Variants in NKAIN2 observed in about 807,000 individuals in gnomAD.
NKAIN2 encodes sodium/potassium transporting ATPase interacting 2.
NKAIN2 carries 14 observed loss-of-function variants against 32.6 expected under a neutral mutation model. That is an observed-to-expected ratio of 0.43 (90% CI 0.28 to 0.67). The LOEUF is 0.67. Ranked by LOEUF, NKAIN2 falls within the 30% of genes least tolerant of loss-of-function variation. NKAIN2 has a pLI of 0.17. For missense variants in NKAIN2, 198 were observed against 258.3 expected, an observed-to-expected ratio of 0.77 and a Z score of 1.60; for synonymous variants, 80 against 87.2, an observed-to-expected ratio of 0.92 and a Z score of 0.46.
chr6:124,187,481 G>A (rs1007298844), intron 1 of NKAIN2, among the ~76,000 whole-genome samples: 13 of 151,822 alleles, frequency 8.6e-5, no homozygotes, highest in East Asian at 3.9e-4. Flanking sequence ...GGGCAGTTTC[G>A]GATAAGATCA....
chr6:124,037,919 G>A (rs775414613), intron 1 of NKAIN2, among the ~76,000 whole-genome samples: 5 of 152,262 alleles, frequency 3.3e-5, no homozygotes, highest in African/African-American at 9.6e-5. Context: ...CAAGTTTGAC[G>A]CTGAAGGAAA....
At chr6:124,539,790 G>A (rs10081034) in intron 3 of NKAIN2, among the ~76,000 whole-genome samples, 9,049 of 152,070 alleles carry the variant, frequency 0.06, 720 homozygotes, top group African/African-American at 0.18. Flanking sequence ...GCGTGATCTC[G>A]TCTCACTGCA....
chr6:124,794,223 G>T (rs1366597536), intron 5 of NKAIN2, among the ~76,000 whole-genome samples: 2 of 152,100 alleles, frequency 1.3e-5, no homozygotes, highest in African/African-American at 4.8e-5. Flanking sequence ...TATGGTTAAT[G>T]CAAGTCTCCC....
intron 1 of NKAIN2, among the ~76,000 whole-genome samples, chr6:123,929,186 A>G (rs1416896124): frequency 6.6e-6 from 1 of 152,174 alleles, no homozygotes; most frequent in East Asian, 1.9e-4. Context: ...GTGATAAATA[A>G]TTGAATTTTG....
intron 1 of NKAIN2, among the ~76,000 whole-genome samples, chr6:124,090,971 G>C (rs1784392049): frequency 6.6e-6 from 1 of 151,868 alleles, no homozygotes; most frequent in South Asian, 2.1e-4. Context: ...ACATTTTTAA[G>C]TTTTTCCAAT....
chr6:124,578,354 G>C (rs576989170), intron 3 of NKAIN2, among the ~76,000 whole-genome samples: 17 of 148,682 alleles, frequency 1.1e-4, no homozygotes, highest in South Asian at 4.3e-4. Context: ...CCTGAAGGGA[G>C]AGTCTCAGAC....
At chr6:123,911,001 TA>T (rs1775151510) in intron 1 of NKAIN2, among the ~76,000 whole-genome samples, 1 of 152,158 alleles carries the variant, frequency 6.6e-6, no homozygotes, top group South Asian at 2.1e-4. Flanking sequence ...ATTATTCAAC[TA>T]AGTGCAATGA....
intron 3 of NKAIN2, among the ~76,000 whole-genome samples, chr6:124,470,265 T>C (rs1050944631): frequency 5.9e-5 from 9 of 152,120 alleles, no homozygotes; most frequent in Non-Finnish European, 1.2e-4. Context: ...TGCAGGAGCC[T>C]GGCCAGGCAG....
At chr6:124,627,700 C>G (rs1336537089) in intron 3 of NKAIN2, among the ~76,000 whole-genome samples, 2 of 152,122 alleles carry the variant, frequency 1.3e-5, no homozygotes, top group Non-Finnish European at 2.9e-5. Flanking sequence ...TTGTGGGTAT[C>G]ATACTCAGAA....
At chr6:123,910,013 C>T (rs1775093422) in intron 1 of NKAIN2, among the ~76,000 whole-genome samples, 1 of 151,866 alleles carries the variant, frequency 6.6e-6, no homozygotes. Context: ...GTAACCGTAA[C>T]AGTGGTCCAT....
intron 3 of NKAIN2, among the ~76,000 whole-genome samples, chr6:124,632,791 C>A (rs1178733505): frequency 2.0e-5 from 3 of 152,196 alleles, no homozygotes; most frequent in South Asian, 4.1e-4. Flanking sequence ...CCTTGCCAGG[C>A]TAAAACCAGA....
chr6:124,699,802 A>G (rs1326511021), intron 4 of NKAIN2, among the ~76,000 whole-genome samples: 1 of 152,150 alleles, frequency 6.6e-6, no homozygotes, highest in East Asian at 1.9e-4. Flanking sequence ...ACCCAGTTTC[A>G]GGTATTTCTT....
intron 1 of NKAIN2, among the ~76,000 whole-genome samples, chr6:123,943,112 A>C (rs763190844): frequency 6.6e-6 from 1 of 152,040 alleles, no homozygotes; most frequent in Non-Finnish European, 1.5e-5. Flanking sequence ...ACACGTTTCT[A>C]TCAAGAGTAG....
At chr6:123,866,519 C>A (rs1297133365) in intron 1 of NKAIN2, among the ~76,000 whole-genome samples, 3 of 152,124 alleles carry the variant, frequency 2.0e-5, no homozygotes, top group African/African-American at 7.2e-5. Flanking sequence ...CAAGCTCCGC[C>A]TCCTGGATTC....
chr6:124,706,739 C>G (rs926062457), intron 4 of NKAIN2, among the ~76,000 whole-genome samples: 1 of 152,094 alleles, frequency 6.6e-6, no homozygotes, highest in East Asian at 1.9e-4. Context: ...CATTTGACTC[C>G]ACTGCTTAAT....
At chr6:124,412,902 A>G (rs1774275236) in intron 3 of NKAIN2, among the ~76,000 whole-genome samples, 1 of 151,964 alleles carries the variant, frequency 6.6e-6, no homozygotes, top group African/African-American at 2.4e-5. Flanking sequence ...CCTCCCTGTC[A>G]CCTTGCAGCT....
chr6:124,206,545 A>G (rs916074371), intron 1 of NKAIN2, among the ~76,000 whole-genome samples: 2 of 151,882 alleles, frequency 1.3e-5, no homozygotes, highest in East Asian at 1.9e-4. Context: ...TTTAAATACT[A>G]CTGAGTATTC....
At chr6:124,687,303 T>G (rs548924428) in intron 4 of NKAIN2, among the ~76,000 whole-genome samples, 4 of 142,108 alleles carry the variant, frequency 2.8e-5, no homozygotes, top group East Asian at 2.1e-4. Flanking sequence ...ATTCTATATA[T>G]AGAGAATATA....
chr6:124,412,234 TGGA>T (rs1012283018), intron 3 of NKAIN2, among the ~76,000 whole-genome samples: 2 of 152,196 alleles, frequency 1.3e-5, no homozygotes, highest in Non-Finnish European at 2.9e-5. Context: ...GCTGTTCTTT[TGGA>T]GGAGGAGATG....
Sources: gnomAD v4.1 joint callset for allele counts (sites outside exome capture counted in the v4.1 genomes callset) on GRCh38, gnomAD v4.1.1 for gene constraint, MANE v1.5 for transcripts, NCBI Gene and HGNC (gene_info 2026-07-23, HGNC 2026-07-21) for gene names.